Variants in ARHGAP1 observed in about 807,000 individuals in gnomAD.
ARHGAP1 encodes rho GTPase-activating protein 1.
Under a neutral mutation model 52.2 loss-of-function variants are expected in ARHGAP1, and 23 were observed. The ratio of observed to expected loss-of-function variants is 0.44; its 90% CI spans 0.32 to 0.62. The LOEUF (loss-of-function observed/expected upper bound fraction) is 0.62, where lower values mean the gene tolerates loss of function less well. Among genes scored for constraint, ARHGAP1 ranks in the 20% least tolerant of loss-of-function variants. The pLI is 0.05. For missense variants in ARHGAP1, 480 were observed against 560.9 expected (o/e 0.86, Z 1.46); for synonymous variants, 210 against 228.4 (o/e 0.92, Z 0.73).
At chr11:46,694,387 G>T (rs1405009715) in intron 3 of ARHGAP1, among the ~76,000 whole-genome samples, 1 of 151,806 alleles carries the variant, frequency 6.6e-6, no homozygotes, top group African/African-American at 2.4e-5. Flanking sequence ...AGCCCCAGAG[G>T]TTGCAGTCCA....
At chr11:46,693,082 G>A (rs2134493487) in intron 3 of ARHGAP1, among the ~76,000 whole-genome samples, 1 of 152,258 alleles carries the variant, frequency 6.6e-6, no homozygotes, top group Non-Finnish European at 1.5e-5. Flanking sequence ...TCGATCTCCT[G>A]ACCTCATGAT....
In ARHGAP1 at chr11:46,679,440, C is replaced by A. The variant is rs752225067; in HGVS notation, c.1056G>T (p.Ala352=). 1.2e-6 allele frequency: 2 copies of A among 1,614,146 alleles called. No individual in the cohort carries two copies. The highest frequency in any genetic ancestry group is 2.2e-5 in the South Asian group (2 of 91,054). The change falls in exon 12 of 13, where the codon GCG becomes GCT. Residue 352 remains alanine (A), a synonymous_variant. Coordinates refer to ENST00000311956, the MANE Select transcript of ARHGAP1 (RefSeq NM_004308.5). The surrounding 1 kb of genome is among the most constrained non-coding windows in gnomAD (Gnocchi z 4.4). ...GCAGCGTCTGGAGGACCTGCAGTGTCGCTGGCACCCTCTGGCTTTCATCAA... is the reference window on the plus strand; with the variant it reads ...GCAGCGTCTGGAGGACCTGCAGTGTAGCTGGCACCCTCTGGCTTTCATCAA... ...LNIDESQRVP[A]TLQVLQTLPE...
In ARHGAP1 at chr11:46,680,760, A is replaced by G; in HGVS notation, c.636-13T>C. 6.5e-7 allele frequency: 1 copy of G among 1,526,908 alleles called. No homozygotes were observed. The allele number at this position is 1,526,908 out of a possible 1,614,324, so 94.6% of individuals were successfully genotyped here. ...GAAGTCGTCATATCTGTAGGAGTAG[A>G]GGGAGGTGGGTCAGGTCCTGCCTGG... On this transcript the variant is annotated splice_polypyrimidine_tract_variant and intron_variant, in intron 7 of 12. Transcript: ENST00000311956. The surrounding 1 kb of genome is among the most constrained non-coding windows in gnomAD (Gnocchi z 5.9).
chr11:46,689,120 C>T (rs2134488384), intron 3 of ARHGAP1, among the ~76,000 whole-genome samples: 1 of 150,506 alleles, frequency 6.6e-6, no homozygotes, highest in South Asian at 2.1e-4. Flanking sequence ...GTGCAGACAA[C>T]CCAAATGTCC....
Position 46,696,643 on chromosome 11 carries a change from C to T in ARHGAP1, c.-49-487G>A, listed in dbSNP as rs1171375758. ...CAGCACTTTGGGAGGCCGAGGCAGG[C>T]GGATCACCTGAGGTCAGGAGTTCAA... is the stretch of plus-strand genomic sequence containing the variant. On this transcript the variant is annotated intron_variant, in intron 1 of 12. Transcript: ENST00000311956. The surrounding 1 kb of genome is among the most constrained non-coding windows in gnomAD (Gnocchi z 4.8). Among the ~76,000 whole-genome samples, 3 of 152,202 alleles carry T rather than the reference C, an allele frequency of 2.0e-5. No homozygotes were observed. Among genetic ancestry groups the T allele is most frequent in the Admixed American group, 6.5e-5 (1 of 15,288 alleles).
intron 4 of ARHGAP1, among the ~76,000 whole-genome samples, chr11:46,685,002 C>T (rs2064556529): frequency 6.7e-6 from 1 of 150,212 alleles, no homozygotes. Flanking sequence ...GCAGGGGAAT[C>T]GCTTGAACTC....
chr11:46,695,455 G>A (rs1195499333), intron 3 of ARHGAP1: 1 of 671,634 alleles, frequency 1.5e-6, no homozygotes, highest in Non-Finnish European at 2.7e-6. Flanking sequence ...CCACAAGGAA[G>A]AAATTAGAGT....
chr11:46,695,932 C>T, intron 2 of ARHGAP1, 43 bp downstream of exon 2: 1 of 1,613,702 alleles, frequency 6.2e-7, no homozygotes, highest in Non-Finnish European at 8.5e-7. Context: ...GTGCTTCCCC[C>T]TCTAAAGCGC....
intron 4 of ARHGAP1, 120 bp from the exon 5 acceptor site, chr11:46,682,302 A>G (rs2064535114): frequency 4.4e-6 from 6 of 1,355,468 alleles, no homozygotes; most frequent in Non-Finnish European, 6.1e-6. Context: ...GCCCTCCCCT[A>G]GCACAGTCTG....
In ARHGAP1 at chr11:46,681,518, C is replaced by T. The variant is rs1219205444; in HGVS notation, c.450-139G>A. On this transcript the variant is annotated intron_variant, in intron 5 of 12. Transcript: ENST00000311956. This position sits in a 1 kb window ranked among gnomAD's most constrained non-coding sequence, Gnocchi z 5.7. ...GTGTGATCTCAGCTCATTGCAGCCT[C>T]CACCTCCCGGATTCAAGCTATTCTC... 4.6e-6 allele frequency: 3 copies of T among 655,604 alleles called. No individual in the cohort carries two copies. The African/African-American group carries it at 5.5e-5, about 12-fold the overall frequency. 40.6% of individuals were successfully genotyped at this position (655,604 alleles called of 1,614,324 possible).
chr11:46,695,940 CGCCTGTAGCT>C (rs1555153551), intron 2 of ARHGAP1, 25 bp downstream of exon 2: 2 of 1,613,806 alleles, frequency 1.2e-6, no homozygotes, highest in Non-Finnish European at 1.7e-6. Flanking sequence ...CCCTCTAAAG[CGCCTGTAGCT>C]GCCTGAGACC....
rs989515064 is a variant in ARHGAP1 at position 46,680,375 on chromosome 11, G to A, written c.821-93C>T. On this transcript the variant is annotated intron_variant, in intron 9 of 12. Transcript: ENST00000311956. This position sits in a 1 kb window ranked among gnomAD's most constrained non-coding sequence, Gnocchi z 5.9. ...TGTCTTGGGGTTCTAGGCAGGGCTG[G>A]GTGGGGACGTTGAGGCTTGCAGGAC... 4 of 1,576,830 alleles carry A rather than the reference G, an allele frequency of 2.5e-6. No individual in the cohort carries two copies. The African/African-American group carries it at 5.4e-5, about 21-fold the overall frequency.
intron 3 of ARHGAP1, among the ~76,000 whole-genome samples, chr11:46,688,927 T>C (rs2064591617): frequency 6.6e-6 from 1 of 151,522 alleles, no homozygotes; most frequent in Non-Finnish European, 1.5e-5. Context: ...CTACCAAAAA[T>C]ACAAAAATTA....
At chr11:46,685,475 A>C (rs1331319337) in intron 4 of ARHGAP1, among the ~76,000 whole-genome samples, 1 of 151,490 alleles carries the variant, frequency 6.6e-6, no homozygotes, top group South Asian at 2.1e-4. Flanking sequence ...TTACAGGCGC[A>C]TGCCACTACA....
At chr11:46,693,041 A>G (rs1480503334) in intron 3 of ARHGAP1, among the ~76,000 whole-genome samples, 1 of 152,082 alleles carries the variant, frequency 6.6e-6, no homozygotes, top group African/African-American at 2.4e-5. Flanking sequence ...TTTAGTAGAG[A>G]CGGGGTTTCA....
Position 46,695,755 on chromosome 11 carries a change from T to C in ARHGAP1, c.134A>G (p.Asp45Gly). 1.9e-6 allele frequency: 3 copies of C among 1,552,578 alleles called. No individual in the cohort carries two copies. Among genetic ancestry groups the C allele is most frequent in the Non-Finnish European group, 2.6e-6 (3 of 1,147,372 alleles). Residue 45 changes from aspartate (D) to glycine (G), a missense_variant and splice_region_variant, in exon 3 of 13, where the codon GAT becomes GGT. By Grantham distance (94) the Asp-to-Gly change is moderately conservative. Transcript: ENST00000311956. ...TTCCGGGGAGCTGCTTTTGGAGTCATCTGAGGAACACAGCAGGGTCAGGGG... is the reference window on the plus strand; with the variant it reads ...TTCCGGGGAGCTGCTTTTGGAGTCACCTGAGGAACACAGCAGGGTCAGGGG... Reference protein sequence around the residue: ...SDEMPDFPKSDDSKSSSPELV... With the variant: ...SDEMPDFPKSGDSKSSSPELV...
rs766923883 is a variant in ARHGAP1 at position 46,696,952 on chromosome 11, A to AT, written c.-49-797dup. The AT allele has an allele frequency of 1.2e-4, 18 of 152,146 alleles. No individual in the cohort carries two copies. The highest frequency in any genetic ancestry group is 2.6e-4 in the Admixed American group (4 of 15,260). The allele number at this position is 152,146 out of a possible 1,614,324, so 9.4% of individuals were successfully genotyped here. A position where few individuals can be genotyped will look rare whatever the true frequency, so the allele number is the denominator to read the frequency against. ...CCAGGACAGGAACTAGCAGCAGGGG[A>AT]TGTGGAATCGCCTGCCAGTCATTGC... On this transcript the variant is annotated intron_variant, in intron 1 of 12. Coordinates refer to ENST00000311956, the MANE Select transcript of ARHGAP1 (RefSeq NM_004308.5). This position sits in a 1 kb window ranked among gnomAD's most constrained non-coding sequence, Gnocchi z 4.8.
At chr11:46,699,584 T>G (rs2064683793) in intron 1 of ARHGAP1, among the ~76,000 whole-genome samples, 1 of 151,498 alleles carries the variant, frequency 6.6e-6, no homozygotes, top group Non-Finnish European at 1.5e-5. Context: ...GCGCCTGTAC[T>G]CCCAGCTACC....
rs757855285 is a variant in ARHGAP1, at chr11:46,680,680, G to A, written c.703C>T (p.Pro235Ser). Residue 235 changes from proline to serine, a missense_variant, in exon 8 of 13, where the codon CCC becomes TCC. Physicochemically the swap from Pro to Ser is moderately conservative, Grantham distance 74. Transcript: ENST00000311956. The surrounding 1 kb of genome is among the most constrained non-coding windows in gnomAD (Gnocchi z 5.9). ...CCAAACTGCTGGTTGGGCAGGGGGGGCCGTGGGGGCATGGGCTTGGGGGCT... is the reference window on the plus strand; with the variant it reads ...CCAAACTGCTGGTTGGGCAGGGGGGACCGTGGGGGCATGGGCTTGGGGGCT... ...ATAPKPMPPR[P>S]PLPNQQFGVS... 6.2e-7 allele frequency: 1 copy of A among 1,605,208 alleles called. No homozygotes were observed. The highest frequency in any genetic ancestry group is 1.7e-5 in the Admixed American group (1 of 59,628).
Sources: allele counts gnomAD v4.1 joint callset (sites outside exome capture counted in the v4.1 genomes callset), GRCh38; gene constraint gnomAD v4.1.1; non-coding constraint Gnocchi (gnomAD v3.1); transcripts MANE v1.5; gene names NCBI Gene and HGNC (gene_info 2026-07-23, HGNC 2026-07-21).